SHCBP1L: variants seen among roughly 807,000 people sequenced by gnomAD.
SHCBP1L encodes SHC binding and spindle associated 1 like.
A neutral mutation model predicts 62.5 loss-of-function variants in SHCBP1L; 67 were observed. That is an observed-to-expected ratio of 1.07 (90% CI 0.88 to 1.31). SHCBP1L has a LOEUF of 1.31. SHCBP1L is among the 40% of genes most tolerant of loss of function. SHCBP1L has a pLI of 0.00. For missense variants in SHCBP1L, 823 were observed against 809.8 expected, an observed-to-expected ratio of 1.02 and a Z score of -0.20; for synonymous variants, 284 against 289.4, an observed-to-expected ratio of 0.98 and a Z score of 0.19.
chr1:182,907,878 CT>C (rs539127385), intron 6 of SHCBP1L, among the ~76,000 whole-genome samples: 3 of 152,112 alleles, frequency 2.0e-5, no homozygotes, highest in South Asian at 2.1e-4. Flanking sequence ...TGCACCCAGC[CT>C]TTTTTTATTA....
At chr1:182,948,147 T>C (rs761907702) in intron 2 of SHCBP1L, among the ~76,000 whole-genome samples, 2 of 152,216 alleles carry the variant, frequency 1.3e-5, no homozygotes, top group Non-Finnish European at 2.9e-5. Context: ...TCAAAAGTTA[T>C]ACACGGATTT....
At chr1:182,945,742 G>A (rs1335869346) in intron 2 of SHCBP1L, among the ~76,000 whole-genome samples, 1 of 152,106 alleles carries the variant, frequency 6.6e-6, no homozygotes, top group Non-Finnish European at 1.5e-5. Flanking sequence ...CATTTTCATA[G>A]CTTTTTAAAA....
intron 2 of SHCBP1L, chr1:182,942,389 T>G (rs779977069): frequency 9.5e-5 from 70 of 736,102 alleles, no homozygotes; most frequent in Non-Finnish European, 1.5e-4. Flanking sequence ...GGAGCTGACC[T>G]TCCTCTTGGG....
chr1:182,951,440 T>C lies in SHCBP1L; in HGVS notation c.433A>G (p.Lys145Glu), dbSNP rs143585560. 49 of 1,594,126 alleles carry C rather than the reference T, an allele frequency of 3.1e-5. No homozygotes were observed. In the African/African-American group the frequency reaches 6.2e-4, roughly 20 times the overall value. ...KAEDADEVMG[K>E]YLSEKLKLKD... ...AACTTTAATTTTTCTGATAGGTATTTACCCATAACTTCATCAGCATCTTCT... is the reference window on the plus strand; with the variant it reads ...AACTTTAATTTTTCTGATAGGTATTCACCCATAACTTCATCAGCATCTTCT... Residue 145 changes from lysine to glutamate, a missense_variant, in exon 2 of 10, where the codon AAA becomes GAA. Transcript: ENST00000367547.
At chr1:182,907,410 G>A in intron 6 of SHCBP1L, among the ~76,000 whole-genome samples, 1 of 141,686 alleles carries the variant, frequency 7.1e-6, no homozygotes. Flanking sequence ...TCCAGCCTGG[G>A]CAACAAGAGC....
At position 182,939,643 on chromosome 1, in the gene SHCBP1L, C is replaced by T. The variant is rs1651293470; in HGVS notation, c.771-90G>A. 36 of 946,870 alleles carry T rather than the reference C, an allele frequency of 3.8e-5. No individual in the cohort carries two copies. In the South Asian group the frequency reaches 6.4e-4, roughly 17 times the overall value. The allele number at this position is 946,870 out of a possible 1,614,324, so 58.7% of individuals were successfully genotyped here. A position where few individuals can be genotyped will look rare whatever the true frequency, so the allele number is the denominator to read the frequency against. On this transcript the variant is annotated intron_variant, in intron 3 of 9. Coordinates refer to ENST00000367547, the MANE Select transcript of SHCBP1L (RefSeq NM_030933.4). ...GATATTCTGATGTCAGAATTCTCTA[C>T]CTCAATCTTAATTCTTAAGCAAAAT... is the stretch of plus-strand genomic sequence containing the variant.
intron 5 of SHCBP1L, among the ~76,000 whole-genome samples, chr1:182,931,820 A>G (rs1651005501): frequency 6.6e-6 from 1 of 152,154 alleles, no homozygotes; most frequent in South Asian, 2.1e-4. Context: ...GGTGTTGTCC[A>G]TTATAGGAGT....
chr1:182,939,141 C>T (rs764913921), intron 5 of SHCBP1L, 35 bp downstream of exon 5: 11 of 1,516,252 alleles, frequency 7.3e-6, no homozygotes, highest in East Asian at 2.3e-5. Context: ...ACCATGTAAA[C>T]TTTTGCTTCT....
intron 2 of SHCBP1L, among the ~76,000 whole-genome samples, chr1:182,945,656 C>G (rs1235691214): frequency 6.6e-6 from 1 of 152,168 alleles, no homozygotes; most frequent in African/African-American, 2.4e-5. Context: ...TGTATTTTTT[C>G]TACACTTGAC....
intron 6 of SHCBP1L, among the ~76,000 whole-genome samples, chr1:182,906,447 C>G (rs1253989274): frequency 1.4e-5 from 2 of 140,768 alleles, no homozygotes; most frequent in Non-Finnish European, 3.1e-5. Flanking sequence ...TTTTTTTTTT[C>G]CGAGATCGAA....
At chr1:182,912,239 T>C (rs1395299927) in intron 6 of SHCBP1L, among the ~76,000 whole-genome samples, 1 of 152,136 alleles carries the variant, frequency 6.6e-6, no homozygotes, top group Non-Finnish European at 1.5e-5. Flanking sequence ...CCCAGGAGTT[T>C]GAGACCTGCC....
At chr1:182,902,842 TA>T (rs767081671) in intron 9 of SHCBP1L, among the ~76,000 whole-genome samples, 196 bp downstream of exon 9, 6 of 152,208 alleles carry the variant, frequency 3.9e-5, no homozygotes, top group Non-Finnish European at 7.4e-5. Context: ...GCAAAGAGTT[TA>T]AGTACAAATT....
chr1:182,939,402 T>G lies in SHCBP1L; in HGVS notation c.858-8A>C. The G allele has an allele frequency of 6.2e-7, 1 of 1,611,400 alleles. No individual in the cohort carries two copies. Among genetic ancestry groups the G allele is most frequent in the Non-Finnish European group, 8.5e-7 (1 of 1,179,004 alleles). On this transcript the variant is annotated splice_polypyrimidine_tract_variant and splice_region_variant and intron_variant, in intron 4 of 9. Coordinates refer to ENST00000367547, the MANE Select transcript of SHCBP1L (RefSeq NM_030933.4). ...TCCTGTATATCACACCACCTGAAAATTATCAACATAATTACAATGTTTATT... is the reference window on the plus strand; with the variant it reads ...TCCTGTATATCACACCACCTGAAAAGTATCAACATAATTACAATGTTTATT...
chr1:182,948,613 G>A (rs1571361783), intron 2 of SHCBP1L, among the ~76,000 whole-genome samples: 1 of 152,174 alleles, frequency 6.6e-6, no homozygotes, highest in South Asian at 2.1e-4. Flanking sequence ...AGCTCAGTTA[G>A]GCCCATGTCA....
At position 182,939,354 on chromosome 1, in the gene SHCBP1L, C is replaced by A. The variant is rs750935317; in HGVS notation, c.898G>T (p.Ala300Ser). The change falls in exon 5 of 10, where the codon GCA becomes TCA. Residue 300 changes from alanine to serine, a missense_variant. Physicochemically the swap from Ala to Ser is moderately conservative, Grantham distance 99. Transcript: ENST00000367547. ...TCCAAAGTTTTTTTAAAACGTTGTG[C>A]GATAGGACCAGGTATTGTTCCATCC... Reference protein sequence around the residue: ...IQDGTIPGPIAQRFKKTLEKY... With the variant: ...IQDGTIPGPISQRFKKTLEKY... 9 of 1,613,784 alleles carry A rather than the reference C, an allele frequency of 5.6e-6. No homozygotes were observed. Among genetic ancestry groups the A allele is most frequent in the African/African-American group, 1.3e-5 (1 of 74,906 alleles).
At chr1:182,932,438 C>T (rs190779943) in intron 5 of SHCBP1L, among the ~76,000 whole-genome samples, 1 of 151,992 alleles carries the variant, frequency 6.6e-6, no homozygotes, top group Non-Finnish European at 1.5e-5. Flanking sequence ...TGTTGTTCCA[C>T]ACCTTTCTAG....
intron 6 of SHCBP1L, among the ~76,000 whole-genome samples, chr1:182,906,801 G>A (rs16859839): frequency 0.023 from 3,481 of 152,046 alleles, 135 homozygotes; most frequent in African/African-American, 0.081. Context: ...TGTTATTAGT[G>A]TCGTAAAGAC....
chr1:182,941,084 A>G (rs553280003), intron 2 of SHCBP1L, among the ~76,000 whole-genome samples: 41 of 152,232 alleles, frequency 2.7e-4, no homozygotes, highest in African/African-American at 7.9e-4. Context: ...AATCATAATT[A>G]TAAGCTTCCA....
chr1:182,945,826 G>A (rs1249497411), intron 2 of SHCBP1L, among the ~76,000 whole-genome samples: 2 of 152,096 alleles, frequency 1.3e-5, no homozygotes, highest in Admixed American at 6.5e-5. Flanking sequence ...TTGGGAGGCC[G>A]AGGTGGGAGG....
Sources: gnomAD v4.1 joint callset for allele counts (sites outside exome capture counted in the v4.1 genomes callset) on GRCh38, gnomAD v4.1.1 for gene constraint, MANE v1.5 for transcripts, NCBI Gene and HGNC (gene_info 2026-07-23, HGNC 2026-07-21) for gene names.